TET3: variants seen among roughly 807,000 people sequenced by gnomAD.
The protein encoded by TET3 is tet methylcytosine dioxygenase 3.
TET3 carries 19 observed loss-of-function variants against 141.4 expected under a neutral mutation model. The ratio of observed to expected loss-of-function variants is 0.13; its 90% CI spans 0.09 to 0.20. The LOEUF is 0.20. Among genes scored for constraint, TET3 ranks in the 10% least tolerant of loss-of-function variants. TET3 has a pLI of 1.00. For synonymous variants in TET3, 1,043 were observed against 980.9 expected (o/e 1.06, Z -1.18); for missense variants, 1,874 against 2,356.9 (o/e 0.80, Z 4.24).
chr2:74,101,600 C>T lies in TET3; in HGVS notation c.4812C>T (p.Asp1604=). ...TGAAGTCAGAGGAGAAGCTGTGGGACCCCTTCAGCCTGGAGGAGGGGCCGG... is the reference window on the plus strand; with the variant it reads ...TGAAGTCAGAGGAGAAGCTGTGGGATCCCTTCAGCCTGGAGGAGGGGCCGG... The part of the protein sequence containing the change: ...GALKSEEKLW[D]PFSLEEGPAE... Residue 1604 remains aspartate, a synonymous_variant, in exon 12 of 12, where the codon GAC becomes GAT. Coordinates refer to ENST00000409262, the MANE Select transcript of TET3 (RefSeq NM_001287491.2). This position sits in a 1 kb window ranked among gnomAD's most constrained non-coding sequence, Gnocchi z 8.5. 1 of 1,611,184 alleles carries T rather than the reference C, an allele frequency of 6.2e-7. No homozygotes were observed. Among genetic ancestry groups the T allele is most frequent in the Non-Finnish European group, 8.5e-7 (1 of 1,178,662 alleles).
intron 3 of TET3, among the ~76,000 whole-genome samples, chr2:74,011,204 G>A (rs1039855752): frequency 1.4e-5 from 2 of 144,566 alleles, no homozygotes; most frequent in Non-Finnish European, 3.0e-5. Flanking sequence ...CTCCAGCCTG[G>A]GCGACAGAGA....
At chr2:74,083,018 G>A in intron 6 of TET3, among the ~76,000 whole-genome samples, 1 of 152,116 alleles carries the variant, frequency 6.6e-6, no homozygotes, top group Non-Finnish European at 1.5e-5. Flanking sequence ...CCTCTCCCTA[G>A]CCCCCAGCCA....
chr2:74,005,214 T>G (rs1286176786), intron 3 of TET3, among the ~76,000 whole-genome samples: 2 of 152,214 alleles, frequency 1.3e-5, no homozygotes, highest in Non-Finnish European at 1.5e-5. Flanking sequence ...CCCAGCCTAA[T>G]GCCCCAGCCT....
chr2:74,089,574 T>C (rs1049435235), intron 7 of TET3, among the ~76,000 whole-genome samples: 20 of 152,326 alleles, frequency 1.3e-4, no homozygotes, highest in Admixed American at 9.8e-4. Context: ...GGTTAAGATA[T>C]TAAGTTAAGG....
At chr2:74,073,493 A>G (rs1261794225) in intron 4 of TET3, 56 bp from the exon 5 acceptor site, 1 of 1,382,384 alleles carries the variant, frequency 7.2e-7, no homozygotes, top group African/African-American at 1.5e-5. Flanking sequence ...TTGCTTTTCT[A>G]AATTAATATT....
At chr2:74,057,604 C>T (rs1420464641) in intron 4 of TET3, among the ~76,000 whole-genome samples, 2 of 152,162 alleles carry the variant, frequency 1.3e-5, no homozygotes, top group East Asian at 1.9e-4. Flanking sequence ...CCATTCCTCT[C>T]CCCCAGGGGA....
the TET3 span, among the ~76,000 whole-genome samples, chr2:74,127,075 G>T: frequency 6.6e-6 from 1 of 152,298 alleles, no homozygotes; most frequent in African/African-American, 2.4e-5. Context: ...GAAGAAAAGT[G>T]TCAGGCTGAG....
intron 3 of TET3, among the ~76,000 whole-genome samples, chr2:74,003,682 G>T (rs1173501272): frequency 1.3e-5 from 2 of 151,470 alleles, no homozygotes; most frequent in Non-Finnish European, 2.9e-5. Context: ...GGTGGTGGGG[G>T]TGAGGATATT....
At chr2:74,024,114 G>C (rs867431725) in intron 3 of TET3, among the ~76,000 whole-genome samples, 1 of 152,242 alleles carries the variant, frequency 6.6e-6, no homozygotes, top group African/African-American at 2.4e-5. Flanking sequence ...ATGTAGTTGT[G>C]TGTGACTTTA....
At position 74,105,068 on chromosome 2, in the gene TET3, TAA is replaced by T. The variant is rs1691424064; in HGVS notation, c.*2894_*2895del. The T allele has an allele frequency of 1.3e-5, 5 of 397,908 alleles. No individual in the cohort carries two copies. Among genetic ancestry groups the T allele is most frequent in the South Asian group, 1.4e-4 (1 of 7,256 alleles). The allele number at this position is 397,908 out of a possible 1,614,324, so 24.6% of individuals were successfully genotyped here. A position where few individuals can be genotyped will look rare whatever the true frequency, so the allele number is the denominator to read the frequency against. On this transcript the variant is annotated 3_prime_UTR_variant, in exon 12 of 12. Transcript: ENST00000409262. ...CCCCCCCTTGCTGCTGAAGCTTTCT[TAA>T]AGAGAAAAATCAAATTTTTATTTTT...
At chr2:74,132,364 G>A in the TET3 span, among the ~76,000 whole-genome samples, 2 of 152,238 alleles carry the variant, frequency 1.3e-5, no homozygotes, top group Admixed American at 1.3e-4. Context: ...AACAGAGGCC[G>A]TCCTGGGGAC....
At chr2:74,098,673 C>T (rs1213914233) in intron 10 of TET3, among the ~76,000 whole-genome samples, 1 of 151,286 alleles carries the variant, frequency 6.6e-6, no homozygotes, top group Non-Finnish European at 1.5e-5. Flanking sequence ...TGGCTCACTG[C>T]AACCTCCATC....
downstream of TET3, among the ~76,000 whole-genome samples, chr2:74,112,444 TAAAGA>T (rs958354447): frequency 1.8e-4 from 28 of 151,802 alleles, no homozygotes; most frequent in South Asian, 1.7e-3. Flanking sequence ...CCGCTCCAAA[TAAAGA>T]AAATTATCAA....
the TET3 span, chr2:74,134,476 A>G: frequency 3.4e-6 from 1 of 294,076 alleles, no homozygotes; most frequent in Non-Finnish European, 6.9e-6. Context: ...CTGGGGCCCA[A>G]GGTTGTTATA....
intron 2 of TET3, among the ~76,000 whole-genome samples, chr2:73,988,385 G>A (rs756828381): frequency 1.4e-4 from 22 of 152,202 alleles, no homozygotes; most frequent in Admixed American, 1.4e-3. Flanking sequence ...GAGGAATGAG[G>A]ATGCTGAGCT....
rs563191622 is a variant in TET3, at chr2:74,010,394, A to G, written c.360+7228A>G. On this transcript the variant is annotated intron_variant, in intron 3 of 11. Transcript: ENST00000409262. ...TGGGTGCCAGAGCACTTCATCCCTAAGCTCACCTCACCTAAATGCTCCCAC... is the reference window on the plus strand; with the variant it reads ...TGGGTGCCAGAGCACTTCATCCCTAGGCTCACCTCACCTAAATGCTCCCAC... 8.5e-5 allele frequency among the ~76,000 whole-genome samples: 13 copies of G among 152,178 alleles called. No homozygotes were observed. The East Asian group carries it at 2.3e-3, about 27-fold the overall frequency.
At chr2:74,079,306 A>C (rs958522846) in intron 5 of TET3, among the ~76,000 whole-genome samples, 4 of 152,218 alleles carry the variant, frequency 2.6e-5, no homozygotes, top group Admixed American at 6.5e-5. Flanking sequence ...AGATTGCACC[A>C]CTGCATTCCA....
Position 74,081,879 on chromosome 2 carries a change from G to C in TET3, c.2679+1288G>C, listed in dbSNP as rs566166045. Among the ~76,000 whole-genome samples the C allele has an allele frequency of 2.2e-3, 333 of 152,284 alleles. 1 individual carries two copies. The highest frequency in any genetic ancestry group is 7.5e-3 in the African/African-American group (310 of 41,540). ...CATTGCAGAATTATATACAACCAGAGAATCTGGAATCACTTAGTGTATTCA... is the reference window on the plus strand; with the variant it reads ...CATTGCAGAATTATATACAACCAGACAATCTGGAATCACTTAGTGTATTCA... On this transcript the variant is annotated intron_variant, in intron 6 of 11. Transcript: ENST00000409262.
chr2:74,044,770 G>A (rs887430652), intron 3 of TET3, among the ~76,000 whole-genome samples: 1 of 152,236 alleles, frequency 6.6e-6, no homozygotes, highest in African/African-American at 2.4e-5. Context: ...GTTGGGGACT[G>A]TCTGTACTGT....
Sources: allele counts gnomAD v4.1 joint callset (sites outside exome capture counted in the v4.1 genomes callset), GRCh38; gene constraint gnomAD v4.1.1; non-coding constraint Gnocchi (gnomAD v3.1); transcripts MANE v1.5; gene names NCBI Gene and HGNC (gene_info 2026-07-23, HGNC 2026-07-21).